Variants in ATR observed in about 807,000 individuals in gnomAD.
ATR encodes the protein serine/threonine-protein kinase ATR.
A neutral mutation model predicts 305.3 loss-of-function variants in ATR; 142 were observed. That is an observed-to-expected ratio of 0.47 (90% CI 0.41 to 0.53). ATR has a LOEUF of 0.53. Ranked by LOEUF, ATR falls within the 20% of genes least tolerant of loss-of-function variation. The probability of loss-of-function intolerance (pLI) is 0.00; values close to 1 mark genes in which losing one functional copy is unlikely to be tolerated. For synonymous variants in ATR, 1,050 were observed against 1,068.1 expected (o/e 0.98, Z 0.33); for missense variants, 2,135 against 3,133.1 (o/e 0.68, Z 7.60).
chr3:142,570,799 T>A (rs1194312853), intron 1 of ATR, among the ~76,000 whole-genome samples: 1 of 152,220 alleles, frequency 6.6e-6, no homozygotes, highest in Non-Finnish European at 1.5e-5. Context: ...GAAGCCAGAT[T>A]GCAAGGGGCT....
In ATR at chr3:142,459,356, C is replaced by T. The variant is rs778835776; in HGVS notation, c.7220G>A (p.Arg2407His). The T allele has an allele frequency of 5.6e-6, 9 of 1,613,746 alleles. No individual in the cohort carries two copies. The highest frequency in any genetic ancestry group is 2.2e-5 in the East Asian group (1 of 44,866). ...TGCTGACTTTGGTAGCATACACTGG[C>T]GAAGTTCTTTTCCTGTCATATACAC... ...KGVYMTGKEL[R>H]QCMLPKSAAL... Residue 2407 changes from arginine (R) to histidine (H), a missense_variant, in exon 43 of 47, where the codon CGC becomes CAC. Around this residue, in one of 9 missense-constraint regions of ATR, gnomAD observed 462 missense variants for 887.6 expected, o/e 0.52. Coordinates refer to ENST00000350721, the MANE Select transcript of ATR (RefSeq NM_001184.4).
chr3:142,458,220 G>A (rs887411144), intron 44 of ATR, among the ~76,000 whole-genome samples: 4 of 152,166 alleles, frequency 2.6e-5, no homozygotes, highest in Non-Finnish European at 5.9e-5. Context: ...ATATAATGAA[G>A]TCCAGTTGTT....
intron 24 of ATR, 142 bp downstream of exon 24, chr3:142,519,527 C>T (rs1159812165): frequency 1.6e-6 from 1 of 633,424 alleles, no homozygotes; most frequent in Admixed American, 2.6e-5. Context: ...ATCTCGAACT[C>T]CTGACCTCGT....
rs180817045 is a variant in ATR, at chr3:142,518,389, C to T, written c.4382+1280G>A. On this transcript the variant is annotated intron_variant, in intron 24 of 46. Transcript: ENST00000350721. ...AAAAGTAGCCAGGCATGGCGGTGCA[C>T]GCCTGTAATCCCAGCTACTTGGGAG... Among the ~76,000 whole-genome samples the T allele has an allele frequency of 4.0e-3, 612 of 152,178 alleles. 3 individuals carry two copies. The highest frequency in any genetic ancestry group is 0.011 in the African/African-American group (464 of 41,544).
rs2071224998 is a variant in ATR at position 142,470,111 on chromosome 3, A to G, written c.6294T>C (p.Gly2098=). The change falls in exon 37 of 47, where the codon GGT becomes GGC. Residue 2098 remains glycine (G), a synonymous_variant. Transcript: ENST00000350721. ...CTTTTTCCCATTCATATGCCTTTGTACCATAATCAAGCCATAGAGTTAACA... is the reference window on the plus strand; with the variant it reads ...CTTTTTCCCATTCATATGCCTTTGTGCCATAATCAAGCCATAGAGTTAACA... ...PRMLTLWLDY[G]TKAYEWEKAG... 3 of 1,609,914 alleles carry G rather than the reference A, an allele frequency of 1.9e-6. No individual in the cohort carries two copies. The highest frequency in any genetic ancestry group is 1.3e-5 in the African/African-American group (1 of 74,798).
chr3:142,560,424 G>T lies in ATR; in HGVS notation c.1380C>A (p.Ser460Arg), dbSNP rs745945899. ...TCTGTTTCAGTGCACTCCATAATAT[G>T]CTCTTTTGGTTCATGTCCACATGTT... The part of the protein sequence containing the change: ...EIKHVDMNQK[S>R]ILWSALKQKA... The change falls in exon 6 of 47, where the codon AGC becomes AGA. Residue 460 changes from serine (S) to arginine (R), a missense_variant. By Grantham distance (110) the Ser-to-Arg change is moderately radical (BLOSUM62 -1). Transcript: ENST00000350721. 1.2e-6 allele frequency: 2 copies of T among 1,613,038 alleles called. No individual in the cohort carries two copies. The highest frequency in any genetic ancestry group is 4.5e-5 in the East Asian group (2 of 44,810).
intron 6 of ATR, 131 bp from the exon 7 acceptor site, chr3:142,559,572 G>C: frequency 4.7e-6 from 4 of 851,796 alleles, no homozygotes; most frequent in Non-Finnish European, 7.5e-6. Flanking sequence ...AAGTAAACAT[G>C]CAAATCAAGT....
intron 36 of ATR, among the ~76,000 whole-genome samples, chr3:142,477,670 C>T (rs2029993320): frequency 6.6e-6 from 1 of 152,188 alleles, no homozygotes; most frequent in Non-Finnish European, 1.5e-5. Context: ...ATGAATGGTA[C>T]CAGTTCCTCC....
chr3:142,552,958 G>C (rs1332649643), intron 13 of ATR, among the ~76,000 whole-genome samples: 1 of 151,756 alleles, frequency 6.6e-6, no homozygotes, highest in Non-Finnish European at 1.5e-5. Context: ...GGCCTGTAAG[G>C]GGGGTGGGGG....
At chr3:142,458,797 C>T (rs1022692728) in intron 44 of ATR, among the ~76,000 whole-genome samples, 161 bp downstream of exon 44, 28 of 152,210 alleles carry the variant, frequency 1.8e-4, no homozygotes, top group Admixed American at 1.8e-3. Context: ...TCCTAATACG[C>T]ATTACTACAT....
chr3:142,505,187 C>T lies in ATR; in HGVS notation c.5148G>A (p.Arg1716=). The T allele has an allele frequency of 6.2e-7, 1 of 1,614,146 alleles. No homozygotes were observed. The change falls in exon 29 of 47, where the codon AGG becomes AGA. Residue 1716 remains arginine (R), a synonymous_variant. Coordinates refer to ENST00000350721, the MANE Select transcript of ATR (RefSeq NM_001184.4). Reference sequence around the variant, plus strand: ...CCCTGTCATAACAAGCAGTGGCATCCCTCAGCAAGCCAAGGCTTTCATGTT... The same window carrying T: ...CCCTGTCATAACAAGCAGTGGCATCTCTCAGCAAGCCAAGGCTTTCATGTT... ...ILEHESLGLL[R]DATACYDRAI... is the part of the protein sequence containing the mutation.
intron 21 of ATR, among the ~76,000 whole-genome samples, chr3:142,524,463 A>C (rs1191716416): frequency 6.6e-6 from 1 of 152,200 alleles, no homozygotes; most frequent in African/African-American, 2.4e-5. Context: ...GCATTTTATC[A>C]ATATACAAAA....
chr3:142,558,160 A>G (rs928235440), intron 8 of ATR, among the ~76,000 whole-genome samples: 1 of 152,140 alleles, frequency 6.6e-6, no homozygotes, highest in Admixed American at 6.5e-5. Context: ...TTAAAAATGT[A>G]CCTGCTCTTT....
intron 10 of ATR, 95 bp downstream of exon 10, chr3:142,555,782 T>C (rs1366265439): frequency 2.1e-6 from 3 of 1,414,812 alleles, no homozygotes; most frequent in Non-Finnish European, 1.9e-6. Context: ...TGTAACTTCC[T>C]GTAATTTTTC....
At chr3:142,509,353 G>T (rs1435648056) in intron 27 of ATR, among the ~76,000 whole-genome samples, 1 of 151,776 alleles carries the variant, frequency 6.6e-6, no homozygotes, top group Non-Finnish European at 1.5e-5. Context: ...TTGTAAAGAT[G>T]AAGTCTCATT....
chr3:142,555,478 G>C lies in ATR; in HGVS notation c.2341+399C>G, dbSNP rs963161915. ...ATTACCACTGGAAAGTGGCCAAGAA[G>C]ATACACTCTATAGTCCTCAGTTGGG... On this transcript the variant is annotated intron_variant, in intron 10 of 46. Transcript: ENST00000350721. Among the ~76,000 whole-genome samples the C allele has an allele frequency of 1.6e-4, 25 of 152,088 alleles. 1 individual carries two copies.
chr3:142,503,038 G>C (rs1316803650), intron 30 of ATR, among the ~76,000 whole-genome samples: 1 of 152,190 alleles, frequency 6.6e-6, no homozygotes, highest in Non-Finnish European at 1.5e-5. Flanking sequence ...CGGAAAATAA[G>C]TGGTACTGAT....
chr3:142,497,297 C>G, intron 32 of ATR, 105 bp from the exon 33 acceptor site: 1 of 1,191,778 alleles, frequency 8.4e-7, no homozygotes, highest in Non-Finnish European at 1.2e-6. Flanking sequence ...TTAAAATACA[C>G]AGTTGTCTTT....
Position 142,466,496 on chromosome 3 carries a change from T to A in ATR, c.6725A>T (p.His2242Leu). 1 of 1,613,888 alleles carries A rather than the reference T, an allele frequency of 6.2e-7. No individual in the cohort carries two copies. Among genetic ancestry groups the A allele is most frequent in the Non-Finnish European group, 8.5e-7 (1 of 1,179,866 alleles). Residue 2242 changes from histidine (H) to leucine (L), a missense_variant, in exon 40 of 47, where the codon CAT becomes CTT. His to Leu is a moderately conservative substitution (Grantham distance 99, BLOSUM62 -3). This residue lies in a region of ATR where 462 missense variants were observed against 887.6 expected (regional missense o/e 0.52). Transcript: ENST00000350721. ...TACCAGCTTTTTAAGCATTTTAAAA[T>A]GAGTGCTCATGCTTAATGTGGAACT... is the stretch of plus-strand genomic sequence containing the variant. ...GSSSTLSMST[H>L]FKMLKKLVEE...
Sources: gnomAD v4.1 joint callset for allele counts (sites outside exome capture counted in the v4.1 genomes callset) on GRCh38, gnomAD v4.1.1 for gene constraint, gnomAD v4.1.1 regional missense constraint, MANE v1.5 for transcripts, NCBI Gene and HGNC (gene_info 2026-07-23, HGNC 2026-07-21) for gene names.